Variants in FAM168A observed in about 807,000 individuals in gnomAD.
FAM168A encodes protein FAM168A.
In FAM168A, 3 loss-of-function variants were observed where a neutral mutation model predicts 28.5. The observed-to-expected ratio is 0.11, with a 90% CI of 0.05 to 0.27. The LOEUF is 0.27. Ranked by LOEUF, FAM168A falls within the 10% of genes least tolerant of loss-of-function variation. The probability of loss-of-function intolerance (pLI) is 1.00; values close to 1 mark genes in which losing one functional copy is unlikely to be tolerated. For missense variants in FAM168A, 222 were observed against 311.5 expected (o/e 0.71, Z 2.16); for synonymous variants, 122 against 124.2 (o/e 0.98, Z 0.12).
At chr11:73,486,887 A>G (rs542842250) in intron 1 of FAM168A, among the ~76,000 whole-genome samples, 1 of 152,336 alleles carries the variant, frequency 6.6e-6, no homozygotes, top group South Asian at 2.1e-4. Flanking sequence ...CTTGCAGGAG[A>G]ACAAGTGTGC....
At chr11:73,523,398 T>C (rs980672685) in intron 1 of FAM168A, among the ~76,000 whole-genome samples, 1 of 151,994 alleles carries the variant, frequency 6.6e-6, no homozygotes, top group African/African-American at 2.4e-5. Context: ...TGGGCTCAAG[T>C]GATCCTCCTA....
chr11:73,433,216 T>G (rs1228778621), intron 2 of FAM168A, among the ~76,000 whole-genome samples: 2 of 151,074 alleles, frequency 1.3e-5, no homozygotes, highest in Non-Finnish European at 3.0e-5. Flanking sequence ...CATTTTCCCA[T>G]TTTTTCATTG....
chr11:73,478,077 C>T (rs1441373806), intron 1 of FAM168A, among the ~76,000 whole-genome samples: 1 of 152,104 alleles, frequency 6.6e-6, no homozygotes, highest in Admixed American at 6.5e-5. Flanking sequence ...ATACCATTTA[C>T]ATAAAAACAA....
intron 1 of FAM168A, among the ~76,000 whole-genome samples, chr11:73,541,848 T>TA (rs1328328197): frequency 7.2e-5 from 11 of 152,208 alleles, no homozygotes; most frequent in South Asian, 2.1e-4. Context: ...ACAATCTACT[T>TA]AAGCCCTTCA....
intron 1 of FAM168A, among the ~76,000 whole-genome samples, chr11:73,543,160 T>C (rs746275204): frequency 9.9e-4 from 150 of 152,232 alleles, no homozygotes; most frequent in Middle Eastern, 3.4e-3. Flanking sequence ...TAGGACACAA[T>C]TGAAAGCACG....
intron 1 of FAM168A, among the ~76,000 whole-genome samples, chr11:73,562,045 C>CA (rs766452328): frequency 1.1e-4 from 17 of 152,276 alleles, no homozygotes; most frequent in Non-Finnish European, 1.3e-4. Flanking sequence ...CAGGTTCAAG[C>CA]AATTCTCCTG....
At chr11:73,451,342 A>G (rs934393364) in intron 2 of FAM168A, among the ~76,000 whole-genome samples, 4 of 152,222 alleles carry the variant, frequency 2.6e-5, no homozygotes, top group African/African-American at 9.6e-5. Flanking sequence ...CTCTCAGGTC[A>G]ATTTGCCAGA....
intron 1 of FAM168A, among the ~76,000 whole-genome samples, chr11:73,557,108 A>G (rs1171642219): frequency 6.6e-6 from 1 of 152,178 alleles, no homozygotes; most frequent in African/African-American, 2.4e-5. Context: ...CTGTTGATGG[A>G]TGAATGGATC....
intron 1 of FAM168A, among the ~76,000 whole-genome samples, chr11:73,478,194 T>C (rs761635880): frequency 6.6e-6 from 1 of 152,132 alleles, no homozygotes; most frequent in Non-Finnish European, 1.5e-5. Context: ...ATAAATGCAA[T>C]AAGTTATAAT....
chr11:73,524,295 C>T (rs1174246560), intron 1 of FAM168A, among the ~76,000 whole-genome samples: 1 of 151,806 alleles, frequency 6.6e-6, no homozygotes, highest in Non-Finnish European at 1.5e-5. Flanking sequence ...TCAATCTAAG[C>T]ACATGTGTAC....
At chr11:73,565,312 T>C (rs1215605323) in intron 1 of FAM168A, among the ~76,000 whole-genome samples, 1 of 152,160 alleles carries the variant, frequency 6.6e-6, no homozygotes, top group Non-Finnish European at 1.5e-5. Context: ...GGCTGACAGT[T>C]CAAACAGAAA....
At chr11:73,589,646 C>T (rs549647598) in intron 1 of FAM168A, among the ~76,000 whole-genome samples, 9 of 152,296 alleles carry the variant, frequency 5.9e-5, no homozygotes, top group East Asian at 1.9e-4. Flanking sequence ...TTCCTCCTTT[C>T]GGCTGGGCAC....
chr11:73,522,527 G>A (rs192067151), intron 1 of FAM168A, among the ~76,000 whole-genome samples: 18 of 151,792 alleles, frequency 1.2e-4, no homozygotes, highest in African/African-American at 2.2e-4. Context: ...TAGTAGAGAT[G>A]GGGTTTTACT....
At chr11:73,439,374 T>A (rs905130795) in intron 2 of FAM168A, among the ~76,000 whole-genome samples, 2 of 152,114 alleles carry the variant, frequency 1.3e-5, no homozygotes, top group Admixed American at 6.5e-5. Context: ...AGCATACCTA[T>A]CCAGGTTAAA....
intron 2 of FAM168A, among the ~76,000 whole-genome samples, chr11:73,432,439 T>TTTATTA (rs60205385): frequency 4.4e-4 from 67 of 151,334 alleles, no homozygotes; most frequent in African/African-American, 8.7e-4. Flanking sequence ...CAACCCTTGT[T>TTTATTA]TTATTATTAT....
chr11:73,584,118 T>C (rs1231496758), intron 1 of FAM168A, among the ~76,000 whole-genome samples: 1 of 152,132 alleles, frequency 6.6e-6, no homozygotes, highest in Non-Finnish European at 1.5e-5. Context: ...CTGTACCTCC[T>C]CAATGATGAT....
chr11:73,401,116 A>T lies in FAM168A; in HGVS notation c.*5647T>A. ...TATTATTATTATTATTATTATTTTA[A>T]ATTTTATTTCTTTTTAAAATGTGAG... On this transcript the variant is annotated 3_prime_UTR_variant, in exon 8 of 8. Coordinates refer to ENST00000356467, the MANE Select transcript of FAM168A (RefSeq NM_015159.3). 6.8e-6 allele frequency: 1 copy of T among 146,454 alleles called. No homozygotes were observed. The highest frequency in any genetic ancestry group is 2.5e-5 in the African/African-American group (1 of 40,200). 9.1% of individuals were successfully genotyped at this position (146,454 alleles called of 1,614,324 possible).
chr11:73,498,263 A>G (rs560274706), intron 1 of FAM168A, among the ~76,000 whole-genome samples: 1 of 152,124 alleles, frequency 6.6e-6, no homozygotes, highest in South Asian at 2.1e-4. Context: ...ACCCATGGAG[A>G]AAAGGAAGAG....
chr11:73,410,370 T>G (rs1866587204), intron 5 of FAM168A: 1 of 150,536 alleles, frequency 6.6e-6, no homozygotes, highest in Admixed American at 6.6e-5. Context: ...ATCACGCCAC[T>G]GCACTCCAGC....
Sources: allele counts gnomAD v4.1 joint callset (sites outside exome capture counted in the v4.1 genomes callset), GRCh38; gene constraint gnomAD v4.1.1; transcripts MANE v1.5; gene names NCBI Gene and HGNC (gene_info 2026-07-23, HGNC 2026-07-21).